The following TANGO6 variants were observed in gnomAD, a reference collection of about 807,000 sequenced individuals.
TANGO6 encodes transport and Golgi organization protein 6 homolog.
In TANGO6, 90 loss-of-function variants were observed where a neutral mutation model predicts 114.2. That is an observed-to-expected ratio of 0.79 (90% CI 0.66 to 0.94). The LOEUF is 0.94. Among genes scored for constraint, TANGO6 ranks in the 40% least tolerant of loss-of-function variants. The pLI is 0.00. For missense variants in TANGO6, 1,274 were observed against 1,315.3 expected, an observed-to-expected ratio of 0.97 and a Z score of 0.49; for synonymous variants, 477 against 509.8, an observed-to-expected ratio of 0.94 and a Z score of 0.87.
chr16:68,943,378 T>C lies in TANGO6; in HGVS notation c.2701+13083T>C, dbSNP rs944360084. ...GAATCTGAGAATTTTTTTTTTTTTT[T>C]TTTGAGACAGAGTCTCGCTCTGTCA... On this transcript the variant is annotated intron_variant, in intron 14 of 17. Transcript: ENST00000261778. Among the ~76,000 whole-genome samples the C allele has an allele frequency of 5.9e-3, 892 of 150,030 alleles. 11 individuals carry two copies. Among genetic ancestry groups the C allele is most frequent in the African/African-American group, 0.021 (850 of 41,140 alleles).
In TANGO6 at chr16:68,990,452, C is replaced by A. The variant is rs1156731282; in HGVS notation, c.2842+16284C>A. The stretch of plus-strand genomic sequence containing the variant: ...TACCACGAGAACAGTATGGGGGAAA[C>A]CGCCCCCATGATTCAGTTATCTCCC... On this transcript the variant is annotated intron_variant, in intron 15 of 17. Transcript: ENST00000261778. 2.0e-5 allele frequency among the ~76,000 whole-genome samples: 3 copies of A among 152,186 alleles called. No individual in the cohort carries two copies. In the East Asian group the frequency reaches 5.8e-4, roughly 29 times the overall value.
At chr16:68,875,704 G>C (rs1326944581) in intron 5 of TANGO6, among the ~76,000 whole-genome samples, 1 of 151,920 alleles carries the variant, frequency 6.6e-6, no homozygotes, top group Admixed American at 6.6e-5. Context: ...GGGAGGCGGA[G>C]GTTGCCGTGA....
At chr16:68,952,487 T>C (rs1963480300) in intron 14 of TANGO6, among the ~76,000 whole-genome samples, 1 of 152,244 alleles carries the variant, frequency 6.6e-6, no homozygotes, top group Non-Finnish European at 1.5e-5. Flanking sequence ...ATTAAGATGA[T>C]ACTTGAAGCT....
chr16:69,049,985 G>T (rs1319471865), intron 17 of TANGO6, among the ~76,000 whole-genome samples: 1 of 152,170 alleles, frequency 6.6e-6, no homozygotes, highest in Non-Finnish European at 1.5e-5. Context: ...TCAGTTGATG[G>T]ACATATAGGA....
In TANGO6 at chr16:68,919,147, G is replaced by C. The variant is rs1963053254; in HGVS notation, c.2055G>C (p.Glu685Asp). The C allele has an allele frequency of 3.7e-6, 6 of 1,612,996 alleles. No homozygotes were observed. In the East Asian group the frequency reaches 1.3e-4, roughly 36 times the overall value. Residue 685 changes from glutamate to aspartate, a missense_variant, in exon 12 of 18, where the codon GAG (glutamate) becomes GAC (aspartate). This residue lies in a region of TANGO6 where 908 missense variants were observed against 910.2 expected (regional missense o/e 1.00). Coordinates refer to ENST00000261778, the MANE Select transcript of TANGO6 (RefSeq NM_024562.2). ...GTGCAAGCCTGGCCCATCAGGCAGAGAGCACCGTGGAATCACAGACGCTGA... is the reference window on the plus strand; with the variant it reads ...GTGCAAGCCTGGCCCATCAGGCAGACAGCACCGTGGAATCACAGACGCTGA... ...RACASLAHQA[E>D]STVESQTLSM...
At chr16:69,064,959 T>C (rs1434948442) in intron 17 of TANGO6, among the ~76,000 whole-genome samples, 1 of 152,182 alleles carries the variant, frequency 6.6e-6, no homozygotes, top group Admixed American at 6.6e-5. Flanking sequence ...TGAAGCCTGT[T>C]CCCCCATATG....
intron 13 of TANGO6, 81 bp from the exon 14 acceptor site, chr16:68,930,157 C>T: frequency 7.9e-7 from 1 of 1,261,974 alleles, no homozygotes; most frequent in Non-Finnish European, 1.1e-6. Flanking sequence ...GCATTTACTC[C>T]TTTGAGCTGC....
intron 15 of TANGO6, among the ~76,000 whole-genome samples, chr16:69,014,210 T>G (rs1362407637): frequency 1.3e-5 from 2 of 152,202 alleles, no homozygotes; most frequent in African/African-American, 4.8e-5. Context: ...ACCCATATTC[T>G]TTTCATCTTT....
intron 7 of TANGO6, among the ~76,000 whole-genome samples, chr16:68,881,378 G>T (rs565457579): frequency 1.8e-4 from 27 of 152,122 alleles, no homozygotes; most frequent in Non-Finnish European, 3.7e-4. Flanking sequence ...GCCGGGCCTG[G>T]TGGCACACAC....
intron 1 of TANGO6, among the ~76,000 whole-genome samples, chr16:68,854,977 A>C (rs1343196978): frequency 6.6e-6 from 1 of 151,514 alleles, no homozygotes; most frequent in African/African-American, 2.4e-5. Context: ...TTGACTTTAT[A>C]GATCAATTTG....
chr16:68,909,170 C>G (rs369836929), intron 10 of TANGO6, 41 bp from the exon 11 acceptor site: 1 of 1,393,444 alleles, frequency 7.2e-7, no homozygotes, highest in Non-Finnish European at 9.4e-7. Flanking sequence ...CTTAGTTGTA[C>G]TGGCTTTATC....
intron 8 of TANGO6, among the ~76,000 whole-genome samples, chr16:68,901,511 C>G (rs1017132015): frequency 6.6e-6 from 1 of 152,088 alleles, no homozygotes; most frequent in East Asian, 1.9e-4. Context: ...TTTTTTGAGA[C>G]GGAGTCTCGC....
At chr16:69,045,386 G>T (rs573483013) in intron 17 of TANGO6, among the ~76,000 whole-genome samples, 1 of 147,432 alleles carries the variant, frequency 6.8e-6, no homozygotes, top group African/African-American at 2.5e-5. Flanking sequence ...AGAGCTTGCA[G>T]TGAGCCAAGA....
chr16:68,982,504 AT>A (rs1171494846), intron 15 of TANGO6, among the ~76,000 whole-genome samples: 4 of 151,442 alleles, frequency 2.6e-5, no homozygotes, highest in African/African-American at 9.7e-5. Context: ...TAATTTTTGT[AT>A]TTTTAGTAAA....
intron 6 of TANGO6, 91 bp from the exon 7 acceptor site, chr16:68,880,457 C>G (rs1047638656): frequency 1.2e-6 from 1 of 806,522 alleles, no homozygotes; most frequent in African/African-American, 1.8e-5. Flanking sequence ...CTTACTGAGC[C>G]ATCTTTCTAG....
At chr16:68,927,441 C>A in intron 12 of TANGO6, 127 bp from the exon 13 acceptor site, 1 of 976,468 alleles carries the variant, frequency 1.0e-6, no homozygotes, top group Non-Finnish European at 1.5e-6. Context: ...CCAGGCAATA[C>A]ACTGATTACA....
chr16:69,014,788 C>T (rs1387351208), intron 15 of TANGO6, among the ~76,000 whole-genome samples: 1 of 150,872 alleles, frequency 6.6e-6, no homozygotes, highest in Non-Finnish European at 1.5e-5. Flanking sequence ...CCACCCTACT[C>T]AGGAGGCTAA....
intron 15 of TANGO6, among the ~76,000 whole-genome samples, chr16:69,016,066 A>AT (rs1001458288): frequency 2.7e-5 from 4 of 150,708 alleles, no homozygotes; most frequent in East Asian, 2.0e-4. Context: ...CCCGCTCCTT[A>AT]TTTTTTTTCA....
chr16:68,847,738 A>AGGT (rs1961835971), intron 1 of TANGO6, among the ~76,000 whole-genome samples: 2 of 152,110 alleles, frequency 1.3e-5, no homozygotes. Context: ...GGTAGCTCAC[A>AGGT]CCTGTAATCC....
Sources: allele counts gnomAD v4.1 joint callset (sites outside exome capture counted in the v4.1 genomes callset), GRCh38; gene constraint gnomAD v4.1.1; regional missense constraint gnomAD v4.1.1; transcripts MANE v1.5; gene names NCBI Gene and HGNC (gene_info 2026-07-23, HGNC 2026-07-21).